RUNDC3B: variants seen among roughly 807,000 people sequenced by gnomAD.
RUNDC3B encodes RUN domain containing 3B, also known as RUN domain-containing protein 3B.
A neutral mutation model predicts 58.4 loss-of-function variants in RUNDC3B; 33 were observed. The ratio of observed to expected loss-of-function variants is 0.56; its 90% CI spans 0.43 to 0.75. The LOEUF (loss-of-function observed/expected upper bound fraction) is 0.75. RUNDC3B is among the 30% of genes least tolerant of loss of function. The pLI is 0.00. For missense variants in RUNDC3B, 501 were observed against 535.7 expected (o/e 0.94, Z 0.64); for synonymous variants, 193 against 195.2 (o/e 0.99, Z 0.10).
rs1380564336 is a variant in RUNDC3B at position 87,725,813 on chromosome 7, GT to G, written c.459-13974del. Among the ~76,000 whole-genome samples the G allele has an allele frequency of 2.6e-5, 4 of 152,268 alleles. No individual in the cohort carries two copies. The East Asian group carries it at 7.7e-4, about 29-fold the overall frequency. ...TGGTGTGAGATGGTACCTCACTGTG[GT>G]TTTGATTTGCATTTCTCTGATGGCC... On this transcript the variant is annotated intron_variant, in intron 4 of 10. Coordinates refer to ENST00000394654, the MANE Select transcript of RUNDC3B (RefSeq NM_001134405.2).
chr7:87,814,051 G>T (rs955096974), intron 9 of RUNDC3B, among the ~76,000 whole-genome samples: 6 of 149,892 alleles, frequency 4.0e-5, no homozygotes, highest in African/African-American at 1.5e-4. Context: ...TAGTTTACAT[G>T]ATCTGTCTCA....
Position 87,700,445 on chromosome 7 carries a change from A to G in RUNDC3B, c.263A>G (p.Glu88Gly). ...GGTCAAGTAACCTGGTTTGGTTATG[A>G]AAGTCCTCGTAGCTTCTGGGACTAT... ...LKGQVTWFGY[E>G]SPRSFWDYIR... The change falls in exon 3 of 11, where the codon GAA (glutamate) becomes GGA (glycine). Residue 88 changes from glutamate (E) to glycine (G), a missense_variant. Coordinates refer to ENST00000394654, the MANE Select transcript of RUNDC3B (RefSeq NM_001134405.2). The G allele has an allele frequency of 6.2e-7, 1 of 1,612,136 alleles. No individual in the cohort carries two copies. The highest frequency in any genetic ancestry group is 8.5e-7 in the Non-Finnish European group (1 of 1,179,328).
intron 2 of RUNDC3B, among the ~76,000 whole-genome samples, chr7:87,666,805 T>C (rs193014732): frequency 1.8e-3 from 276 of 152,256 alleles, no homozygotes; most frequent in African/African-American, 6.4e-3. Flanking sequence ...CATAGGTGTG[T>C]AGCCTTATTT....
intron 2 of RUNDC3B, among the ~76,000 whole-genome samples, chr7:87,677,232 A>G (rs1826456918): frequency 6.6e-6 from 1 of 151,640 alleles, no homozygotes; most frequent in Admixed American, 6.6e-5. Context: ...CAACCTAAGT[A>G]GCTGTCAACA....
intron 3 of RUNDC3B, among the ~76,000 whole-genome samples, chr7:87,701,390 C>A (rs1266592648): frequency 2.6e-5 from 4 of 152,164 alleles, no homozygotes; most frequent in Non-Finnish European, 5.9e-5. Flanking sequence ...CCATCTTAAG[C>A]TTCATAGCTT....
intron 1 of RUNDC3B, among the ~76,000 whole-genome samples, chr7:87,636,485 A>C (rs539552578): frequency 1.3e-5 from 2 of 152,222 alleles, no homozygotes; most frequent in African/African-American, 4.8e-5. Context: ...TGTTGGATAC[A>C]TGTAATGCAA....
intron 6 of RUNDC3B, among the ~76,000 whole-genome samples, chr7:87,757,714 G>T (rs1401434430): frequency 6.6e-6 from 1 of 151,996 alleles, no homozygotes; most frequent in Non-Finnish European, 1.5e-5. Context: ...AAGCTATCAT[G>T]AACAAAAAGA....
Position 87,739,891 on chromosome 7 carries a change from A to G in RUNDC3B, c.548+11A>G. On this transcript the variant is annotated intron_variant, in intron 5 of 10. Transcript: ENST00000394654. ...TGCTATTGATTTCAGGTACTTAACC[A>G]AATGCATTCAGTTTTTAAATTATTC... 1 of 1,357,162 alleles carries G rather than the reference A, an allele frequency of 7.4e-7. No individual in the cohort carries two copies. The highest frequency in any genetic ancestry group is 1.0e-6 in the Non-Finnish European group (1 of 965,840). 84.1% of individuals were successfully genotyped at this position (1,357,162 alleles called of 1,614,324 possible).
intron 2 of RUNDC3B, among the ~76,000 whole-genome samples, chr7:87,670,995 T>C (rs976802008): frequency 6.6e-6 from 1 of 152,180 alleles, no homozygotes; most frequent in Non-Finnish European, 1.5e-5. Flanking sequence ...CTTTCTCAAG[T>C]TGGAGGCAGC....
intron 1 of RUNDC3B, among the ~76,000 whole-genome samples, chr7:87,645,333 C>G (rs1391678786): frequency 6.6e-6 from 1 of 152,096 alleles, no homozygotes; most frequent in Non-Finnish European, 1.5e-5. Context: ...GTCCACCTGC[C>G]TCAGCCTCCC....
At chr7:87,772,180 T>G (rs1337399609) in intron 7 of RUNDC3B, among the ~76,000 whole-genome samples, 1 of 152,084 alleles carries the variant, frequency 6.6e-6, no homozygotes, top group Non-Finnish European at 1.5e-5. Flanking sequence ...ATTACCTTTT[T>G]GTTTAATATA....
intron 10 of RUNDC3B, 122 bp downstream of exon 10, chr7:87,816,384 C>T (rs916441831): frequency 2.8e-6 from 2 of 707,774 alleles, no homozygotes; most frequent in Admixed American, 3.3e-5. Flanking sequence ...ATTAAGCAGC[C>T]ATTATGATTA....
chr7:87,789,875 A>G (rs1302838516), intron 8 of RUNDC3B, among the ~76,000 whole-genome samples: 2 of 152,176 alleles, frequency 1.3e-5, no homozygotes, highest in East Asian at 3.9e-4. Flanking sequence ...CAGAACATAA[A>G]GTAAATTATT....
At chr7:87,677,538 A>G (rs1826499108) in intron 2 of RUNDC3B, among the ~76,000 whole-genome samples, 1 of 152,088 alleles carries the variant, frequency 6.6e-6, no homozygotes, top group Non-Finnish European at 1.5e-5. Context: ...AGAAAAGGGG[A>G]GATATTGGTC....
intron 6 of RUNDC3B, among the ~76,000 whole-genome samples, chr7:87,770,337 A>G (rs1834210273): frequency 2.0e-5 from 3 of 151,988 alleles, no homozygotes; most frequent in Admixed American, 1.3e-4. Context: ...TTAATACCTT[A>G]TATCTGTAAA....
At chr7:87,715,390 T>C (rs1255967619) in intron 4 of RUNDC3B, among the ~76,000 whole-genome samples, 2 of 122,098 alleles carry the variant, frequency 1.6e-5, no homozygotes, top group Admixed American at 9.9e-5. Context: ...ATCAATATAA[T>C]ATAATATATT....
At chr7:87,727,090 G>A (rs1422783157) in intron 4 of RUNDC3B, among the ~76,000 whole-genome samples, 2 of 152,036 alleles carry the variant, frequency 1.3e-5, no homozygotes, top group African/African-American at 2.4e-5. Context: ...TCTTTCATTT[G>A]CCTGATTGCC....
chr7:87,719,953 G>C lies in RUNDC3B; in HGVS notation c.458+9298G>C, dbSNP rs569103020. ...TTCTAAGTCTGAATAAAATTTCAGA[G>C]GTAATGAAAAAAATTAGTGGAACAT... On this transcript the variant is annotated intron_variant, in intron 4 of 10. Transcript: ENST00000394654. 8.3e-5 allele frequency among the ~76,000 whole-genome samples: 12 copies of C among 145,032 alleles called. No individual in the cohort carries two copies. In the South Asian group the frequency reaches 2.4e-3, roughly 29 times the overall value.
intron 4 of RUNDC3B, among the ~76,000 whole-genome samples, chr7:87,717,360 C>G (rs1324245762): frequency 2.0e-5 from 3 of 151,502 alleles, no homozygotes; most frequent in Admixed American, 6.6e-5. Flanking sequence ...AACAATAAAG[C>G]AAAAAATAAA....
Sources: gnomAD v4.1 joint callset for allele counts (sites outside exome capture counted in the v4.1 genomes callset) on GRCh38, gnomAD v4.1.1 for gene constraint, MANE v1.5 for transcripts, NCBI Gene and HGNC (gene_info 2026-07-23, HGNC 2026-07-21) for gene names.